MAOB: variants seen among roughly 807,000 people sequenced by gnomAD.
The protein encoded by MAOB is amine oxidase [flavin-containing] B.
MAOB carries 15 observed loss-of-function variants against 41.9 expected under a neutral mutation model. That is an observed-to-expected ratio of 0.36 (90% CI 0.24 to 0.55). MAOB has a LOEUF of 0.55. Among genes scored for constraint, MAOB ranks in the 20% least tolerant of loss-of-function variants. The pLI, the probability that MAOB is intolerant of heterozygous loss-of-function variation, is 0.86. For synonymous variants in MAOB, 167 were observed against 144.2 expected, an observed-to-expected ratio of 1.16 and a Z score of -1.13; for missense variants, 345 against 398.7, an observed-to-expected ratio of 0.87 and a Z score of 1.15.
chrX:43,783,627 C>T (rs2034364021), intron 8 of MAOB, among the ~76,000 whole-genome samples: 1 of 112,119 alleles, frequency 8.9e-6, no homozygotes, highest in African/African-American at 3.2e-5. Context: ...TAACAATCAT[C>T]TGAGCCTTTA....
At chrX:43,823,131 T>C (rs1290909642) in intron 3 of MAOB, among the ~76,000 whole-genome samples, 1 of 106,958 alleles carries the variant, frequency 9.3e-6, no homozygotes, top group Non-Finnish European at 1.9e-5. Context: ...CTCTGGGTTC[T>C]AAGCCTATGC....
intron 3 of MAOB, among the ~76,000 whole-genome samples, chrX:43,812,528 A>G (rs1357291084): frequency 8.9e-6 from 1 of 112,400 alleles, no homozygotes; most frequent in Non-Finnish European, 1.9e-5. Context: ...TCTTTTGAAT[A>G]TAAGCCATTT....
chrX:43,790,746 C>T (rs758014405), intron 8 of MAOB, among the ~76,000 whole-genome samples: 2 of 110,329 alleles, frequency 1.8e-5, no homozygotes, highest in Admixed American at 9.7e-5. Context: ...TATGCCTTGC[C>T]CACAATCATT....
At chrX:43,861,996 AG>A (rs1440624021) in intron 1 of MAOB, among the ~76,000 whole-genome samples, 1 of 110,727 alleles carries the variant, frequency 9.0e-6, no homozygotes, top group Non-Finnish European at 1.9e-5. Flanking sequence ...CTCCTGTAAC[AG>A]GAACGGCCAA....
At chrX:43,832,702 A>T (rs1028503604) in intron 3 of MAOB, among the ~76,000 whole-genome samples, 2 of 112,164 alleles carry the variant, frequency 1.8e-5, no homozygotes, top group African/African-American at 6.5e-5. Context: ...GCAAGCTATT[A>T]GTAGTTTTCG....
intron 3 of MAOB, among the ~76,000 whole-genome samples, chrX:43,806,279 C>T (rs1023069599): frequency 6.3e-5 from 7 of 111,919 alleles, no homozygotes; most frequent in African/African-American, 2.3e-4. Flanking sequence ...ATTTAGTTGT[C>T]CTGTCTTCTT....
In MAOB at chrX:43,833,700, AAACT is replaced by A. The variant is rs112476431; in HGVS notation, c.279+5164_279+5167del. Among the ~76,000 whole-genome samples the A allele has an allele frequency of 4.7e-3, 530 of 112,067 alleles. 6 individuals are homozygous for A. The highest frequency in any genetic ancestry group is 0.016 in the African/African-American group (505 of 30,703). ...TACCCTCCACTCCCAGCAAAATTTA[AAACT>A]AACTGTTACCCACAACCATAGTCAC... On this transcript the variant is annotated intron_variant, in intron 3 of 14. Coordinates refer to ENST00000378069, the MANE Select transcript of MAOB (RefSeq NM_000898.5).
In MAOB at chrX:43,774,585, G is replaced by T. The variant is rs192674330; in HGVS notation, c.1235+590C>A. ...TCAGAAAGGAGAAGTGACCTGTTTG[G>T]CATGACAAAGTTTGTTATTGGTAGA... is the stretch of plus-strand genomic sequence containing the variant. On this transcript the variant is annotated intron_variant, in intron 12 of 14. Transcript: ENST00000378069. Among the ~76,000 whole-genome samples the T allele has an allele frequency of 6.2e-3, 693 of 111,832 alleles. 10 individuals carry two copies. The highest frequency in any genetic ancestry group is 0.06 in the Admixed American group (627 of 10,532).
chrX:43,878,907 C>T (rs750050295), intron 1 of MAOB, among the ~76,000 whole-genome samples: 13 of 112,217 alleles, frequency 1.2e-4, no homozygotes, highest in African/African-American at 3.9e-4. Flanking sequence ...CAAGTGCCTG[C>T]CACCCTCAAA....
At chrX:43,781,244 T>C (rs1432794756) in intron 9 of MAOB, among the ~76,000 whole-genome samples, 1 of 112,099 alleles carries the variant, frequency 8.9e-6, no homozygotes, top group Admixed American at 9.5e-5. Context: ...GTTATTGGTA[T>C]TCTGCTTCCT....
At chrX:43,862,958 T>C (rs753987338) in intron 1 of MAOB, among the ~76,000 whole-genome samples, 3 of 111,372 alleles carry the variant, frequency 2.7e-5, no homozygotes, top group Non-Finnish European at 5.7e-5. Flanking sequence ...AAATAACCAT[T>C]TTTCACCTCC....
intron 3 of MAOB, among the ~76,000 whole-genome samples, chrX:43,815,786 T>A (rs1019056409): frequency 8.9e-6 from 1 of 111,854 alleles, no homozygotes; most frequent in Non-Finnish European, 1.9e-5. Context: ...ATATAGTATA[T>A]TCCCCTTTGG....
intron 12 of MAOB, among the ~76,000 whole-genome samples, chrX:43,773,543 G>C (rs1199608930): frequency 1.8e-5 from 2 of 112,516 alleles, no homozygotes; most frequent in Non-Finnish European, 3.8e-5. Flanking sequence ...AAATACCATT[G>C]ACATATTCTA....
intron 2 of MAOB, among the ~76,000 whole-genome samples, chrX:43,841,332 A>C (rs2035134686): frequency 8.9e-6 from 1 of 111,901 alleles, no homozygotes; most frequent in Admixed American, 9.5e-5. Context: ...GGGTATTTAT[A>C]AATTGGTAAA....
chrX:43,804,185 C>T (rs1394968278), intron 3 of MAOB, among the ~76,000 whole-genome samples: 3 of 111,580 alleles, frequency 2.7e-5, no homozygotes, highest in Non-Finnish European at 3.8e-5. Context: ...CATCTTTCAA[C>T]GGAATCAGAA....
intron 3 of MAOB, among the ~76,000 whole-genome samples, chrX:43,809,971 C>T (rs1405425018): frequency 3.9e-5 from 4 of 101,569 alleles, no homozygotes; most frequent in Non-Finnish European, 7.6e-5. Context: ...GGGCCGGGCG[C>T]GGTGGCTCAC....
chrX:43,782,867 G>A (rs963766542), intron 8 of MAOB, among the ~76,000 whole-genome samples: 2 of 111,683 alleles, frequency 1.8e-5, no homozygotes, highest in East Asian at 2.8e-4. Flanking sequence ...AATCCGTCAC[G>A]TAAACAGAAC....
At chrX:43,794,495 A>G (rs2034503482) in intron 7 of MAOB, among the ~76,000 whole-genome samples, 2 of 110,011 alleles carry the variant, frequency 1.8e-5, no homozygotes, top group African/African-American at 3.3e-5. Flanking sequence ...TTTCTCCTTC[A>G]CTAGAAGGAG....
chrX:43,809,958 G>A (rs2034721679), intron 3 of MAOB, among the ~76,000 whole-genome samples: 1 of 108,644 alleles, frequency 9.2e-6, no homozygotes. Context: ...AAAGCTATTG[G>A]AAGGGCCGGG....
Sources: gnomAD v4.1 joint callset for allele counts (sites outside exome capture counted in the v4.1 genomes callset) on GRCh38, gnomAD v4.1.1 for gene constraint, MANE v1.5 for transcripts, NCBI Gene and HGNC (gene_info 2026-07-23, HGNC 2026-07-21) for gene names.